IL1RAPL2: variants seen among roughly 807,000 people sequenced by gnomAD.
The protein encoded by IL1RAPL2 is X-linked interleukin-1 receptor accessory protein-like 2.
In IL1RAPL2, 3 loss-of-function variants were observed where a neutral mutation model predicts 44.1. The observed-to-expected ratio is 0.07, with a 90% CI of 0.03 to 0.18. IL1RAPL2 has a LOEUF of 0.18. Among genes scored for constraint, IL1RAPL2 ranks in the 10% least tolerant of loss-of-function variants. The pLI, the probability that IL1RAPL2 is intolerant of heterozygous loss-of-function variation, is 1.00. For missense variants in IL1RAPL2, 391 were observed against 496.4 expected, an observed-to-expected ratio of 0.79 and a Z score of 2.02; for synonymous variants, 181 against 178.8, an observed-to-expected ratio of 1.01 and a Z score of -0.10.
chrX:105,230,405 T>G (rs917281064), intron 3 of IL1RAPL2, among the ~76,000 whole-genome samples: 4 of 109,390 alleles, frequency 3.7e-5, no homozygotes, highest in Non-Finnish European at 5.7e-5. Flanking sequence ...TTGCTCATGA[T>G]TATTATATCA....
At position 105,169,632 on chromosome X, in the gene IL1RAPL2, G is replaced by C. The variant is rs1430444999; in HGVS notation, c.83-25843G>C. Among the ~76,000 whole-genome samples the C allele has an allele frequency of 3.8e-5, 4 of 104,486 alleles. 1 individual carries two copies. The highest frequency in any genetic ancestry group is 7.8e-5 in the Non-Finnish European group (4 of 51,567). The allele number at this position is 104,486 out of a possible 115,157, so 90.7% of individuals were successfully genotyped here. ...CAACCTCCACTTCCCAGGTTCAAGC[G>C]ATTCTCATGCCTCAGCCTCCCAAGT... On this transcript the variant is annotated intron_variant, in intron 2 of 10. Transcript: ENST00000372582.
intron 2 of IL1RAPL2, among the ~76,000 whole-genome samples, chrX:104,942,031 A>T (rs1925192182): frequency 9.0e-6 from 1 of 111,173 alleles, no homozygotes. Flanking sequence ...ATTATTTCTG[A>T]GGTCTCTGTT....
intron 2 of IL1RAPL2, among the ~76,000 whole-genome samples, chrX:104,897,558 G>A (rs953565646): frequency 8.9e-6 from 1 of 112,332 alleles, no homozygotes; most frequent in Non-Finnish European, 1.9e-5. Context: ...CCACCTCTCT[G>A]TGGGAAAATT....
At chrX:104,695,349 A>AAGAGAGAGAGAGAG (rs200451049) in intron 2 of IL1RAPL2, among the ~76,000 whole-genome samples, 1,096 of 105,972 alleles carry the variant, frequency 0.01, 4 homozygotes, top group Non-Finnish European at 0.017. Context: ...GAGAGAGAGA[A>AAGAGAGAGAGAGAG]AGAGAGAGAG....
At chrX:105,723,540 T>A (rs1281550279) in intron 7 of IL1RAPL2, among the ~76,000 whole-genome samples, 2 of 111,646 alleles carry the variant, frequency 1.8e-5, no homozygotes, top group African/African-American at 6.5e-5. Context: ...GTATTTTTTT[T>A]AACCAGAGCA....
At chrX:105,115,341 C>G (rs1387091159) in intron 2 of IL1RAPL2, among the ~76,000 whole-genome samples, 1 of 111,612 alleles carries the variant, frequency 9.0e-6, no homozygotes, top group East Asian at 2.8e-4. Flanking sequence ...CCGGTTGCCA[C>G]TGCTAGGTTG....
intron 2 of IL1RAPL2, among the ~76,000 whole-genome samples, chrX:104,950,509 C>T (rs1297776541): frequency 5.3e-5 from 6 of 112,447 alleles, no homozygotes; most frequent in African/African-American, 1.9e-4. Flanking sequence ...CCATTTCGAG[C>T]TTCGGGGCTG....
intron 2 of IL1RAPL2, among the ~76,000 whole-genome samples, chrX:104,804,713 T>C (rs775835419): frequency 1.8e-5 from 2 of 112,346 alleles, no homozygotes; most frequent in South Asian, 7.5e-4. Flanking sequence ...ATTTAGGATA[T>C]GTTCAAGATT....
rs1486697208 is a variant in IL1RAPL2 at position 105,128,975 on chromosome X, T to C, written c.83-66500T>C. Among the ~76,000 whole-genome samples, 3 of 111,475 alleles carry C rather than the reference T, an allele frequency of 2.7e-5. No homozygotes were observed. The East Asian group carries it at 8.5e-4, about 32-fold the overall frequency. ...TCAGAGCCTTAATTAACTTTTCTGT[T>C]GTGTTGTTATTTCTGCCAAACATCT... On this transcript the variant is annotated intron_variant, in intron 2 of 10. Coordinates refer to ENST00000372582, the MANE Select transcript of IL1RAPL2 (RefSeq NM_017416.2).
intron 2 of IL1RAPL2, among the ~76,000 whole-genome samples, chrX:105,169,133 C>A: frequency 8.9e-6 from 1 of 111,874 alleles, no homozygotes; most frequent in Non-Finnish European, 1.9e-5. Flanking sequence ...TACCATATAA[C>A]CTTCATGCCA....
At chrX:105,421,018 A>G (rs926552888) in intron 5 of IL1RAPL2, among the ~76,000 whole-genome samples, 5 of 112,162 alleles carry the variant, frequency 4.5e-5, no homozygotes, top group Non-Finnish European at 7.5e-5. Flanking sequence ...TATTTTGCCA[A>G]GGTTGAGAAT....
chrX:105,127,276 A>G (rs191011007), intron 2 of IL1RAPL2, among the ~76,000 whole-genome samples: 1 of 111,489 alleles, frequency 9.0e-6, no homozygotes, highest in African/African-American at 3.2e-5. Context: ...AGGCTTAGAG[A>G]CACTTTCTTA....
chrX:105,139,849 C>T (rs772520369), intron 2 of IL1RAPL2, among the ~76,000 whole-genome samples: 4 of 112,148 alleles, frequency 3.6e-5, no homozygotes, highest in African/African-American at 1.3e-4. Context: ...GTAGCCAAAC[C>T]GTCATTGAAT....
chrX:105,367,091 A>T lies in IL1RAPL2; in HGVS notation c.697+99550A>T, dbSNP rs5916896. ...TTATTATTATTTAATGACCTTCTTT[A>T]TCTCTTTTTACAGATTTTGACTTAA... On this transcript the variant is annotated intron_variant, in intron 5 of 10. Coordinates refer to ENST00000372582, the MANE Select transcript of IL1RAPL2 (RefSeq NM_017416.2). Among the ~76,000 whole-genome samples the T allele has an allele frequency of 5.3e-3, 586 of 111,229 alleles. 4 individuals are homozygous for T. The highest frequency in any genetic ancestry group is 0.017 in the African/African-American group (529 of 30,655).
At chrX:105,239,495 G>A (rs1012880315) in intron 4 of IL1RAPL2, among the ~76,000 whole-genome samples, 3 of 111,356 alleles carry the variant, frequency 2.7e-5, no homozygotes, top group East Asian at 2.8e-4. Flanking sequence ...ATCAGGCAAC[G>A]TATGTACCAT....
intron 5 of IL1RAPL2, among the ~76,000 whole-genome samples, chrX:105,402,294 C>T (rs1166988764): frequency 9.0e-6 from 1 of 111,230 alleles, no homozygotes; most frequent in Non-Finnish European, 1.9e-5. Context: ...TTAATGATTA[C>T]AAGCCAGAGC....
chrX:104,578,066 A>C (rs1273914671), intron 1 of IL1RAPL2, among the ~76,000 whole-genome samples: 1 of 111,785 alleles, frequency 8.9e-6, no homozygotes, highest in Non-Finnish European at 1.9e-5. Context: ...ATATTTCCTA[A>C]CTTTGTCCAC....
chrX:105,406,189 G>C, intron 5 of IL1RAPL2: 1 of 1,155,807 alleles, frequency 8.7e-7, no homozygotes, highest in South Asian at 1.8e-5. Context: ...GAATTCTAAG[G>C]AGCACTTTAG....
chrX:104,708,779 AGTT>A (rs1295678020), intron 2 of IL1RAPL2, among the ~76,000 whole-genome samples: 6 of 110,642 alleles, frequency 5.4e-5, no homozygotes, highest in Admixed American at 1.9e-4. Context: ...TTGACCTTAA[AGTT>A]GTTATAATCA....
Sources: allele counts gnomAD v4.1 joint callset (sites outside exome capture counted in the v4.1 genomes callset), GRCh38; gene constraint gnomAD v4.1.1; transcripts MANE v1.5; gene names NCBI Gene and HGNC (gene_info 2026-07-23, HGNC 2026-07-21).